Variants in DLGAP2 observed in about 807,000 individuals in gnomAD.
DLGAP2 encodes the protein DLG associated protein 2, also known as disks large-associated protein 2.
In DLGAP2, 26 loss-of-function variants were observed where a neutral mutation model predicts 100.3. The ratio of observed to expected loss-of-function variants is 0.26; its 90% CI spans 0.19 to 0.36. DLGAP2 has a LOEUF of 0.36. Among genes scored for constraint, DLGAP2 ranks in the 10% least tolerant of loss-of-function variants. The pLI is 1.00. For missense variants in DLGAP2, 1,858 were observed against 1,453.2 expected (o/e 1.28, Z -4.53); for synonymous variants, 886 against 630.1 (o/e 1.41, Z -6.08).
chr8:839,626 A>G (rs949871160), intron 1 of DLGAP2, among the ~76,000 whole-genome samples: 1 of 152,118 alleles, frequency 6.6e-6, no homozygotes, highest in Non-Finnish European at 1.5e-5. Flanking sequence ...TGTGAGATGA[A>G]TCACCACCTC....
chr8:1,454,125 T>C (rs964235810), intron 3 of DLGAP2, among the ~76,000 whole-genome samples: 10 of 152,222 alleles, frequency 6.6e-5, no homozygotes, highest in Admixed American at 6.5e-4. Context: ...GATTTGAGAA[T>C]GTTTTCTGGG....
At chr8:1,623,033 C>T (rs1036185859) in intron 6 of DLGAP2, among the ~76,000 whole-genome samples, 20 of 152,172 alleles carry the variant, frequency 1.3e-4, no homozygotes, top group African/African-American at 4.8e-4. Context: ...ACCTGGCCTT[C>T]TGGGACTCTA....
intron 2 of DLGAP2, among the ~76,000 whole-genome samples, chr8:951,677 T>C (rs1459689142): frequency 6.6e-6 from 1 of 152,256 alleles, no homozygotes; most frequent in Non-Finnish European, 1.5e-5. Context: ...CGTGGCATGC[T>C]GTGCTGGGAC....
chr8:877,401 G>C (rs535391847), intron 1 of DLGAP2, among the ~76,000 whole-genome samples: 2 of 152,300 alleles, frequency 1.3e-5, no homozygotes, highest in South Asian at 2.1e-4. Flanking sequence ...GTGGCTCCTT[G>C]TTGGGGGCAG....
chr8:1,580,309 A>T (rs1803179845), intron 6 of DLGAP2, among the ~76,000 whole-genome samples: 1 of 152,202 alleles, frequency 6.6e-6, no homozygotes. Flanking sequence ...GGGAAAGACC[A>T]CAGATGGGGT....
intron 6 of DLGAP2, among the ~76,000 whole-genome samples, chr8:1,615,844 G>T (rs28505586): frequency 0.063 from 5,560 of 88,144 alleles, no homozygotes; most frequent in East Asian, 0.15. Context: ...AAGGTCTTAT[G>T]AATGATATAA....
intron 1 of DLGAP2, among the ~76,000 whole-genome samples, chr8:779,712 A>G (rs1821636037): frequency 6.6e-6 from 1 of 152,002 alleles, no homozygotes; most frequent in Non-Finnish European, 1.5e-5. Context: ...TTAGCCATCC[A>G]AATCTTTGCC....
intron 2 of DLGAP2, among the ~76,000 whole-genome samples, chr8:1,049,966 A>T (rs1239848416): frequency 6.6e-6 from 1 of 152,220 alleles, no homozygotes; most frequent in Non-Finnish European, 1.5e-5. Context: ...GCTGTCACAC[A>T]CATGTGCCTA....
chr8:1,569,571 A>G (rs925770500), intron 6 of DLGAP2, among the ~76,000 whole-genome samples: 1 of 152,228 alleles, frequency 6.6e-6, no homozygotes. Flanking sequence ...AGTTTATCTT[A>G]TATTCCTTCA....
At chr8:1,108,093 GT>G (rs1804834998) in intron 2 of DLGAP2, among the ~76,000 whole-genome samples, 1 of 152,184 alleles carries the variant, frequency 6.6e-6, no homozygotes, top group Non-Finnish European at 1.5e-5. Flanking sequence ...ATTTCAGCTT[GT>G]TTTTCCAACC....
chr8:1,140,165 C>A (rs1023251434), intron 2 of DLGAP2, among the ~76,000 whole-genome samples: 1 of 152,136 alleles, frequency 6.6e-6, no homozygotes, highest in Middle Eastern at 3.2e-3. Context: ...TGGCCAGGCC[C>A]ATGTCGTAGC....
intron 2 of DLGAP2, among the ~76,000 whole-genome samples, chr8:947,533 G>C (rs947551558): frequency 6.6e-6 from 1 of 152,220 alleles, no homozygotes; most frequent in African/African-American, 2.4e-5. Context: ...GGTGGCTGCA[G>C]GTTGCTGATC....
intron 1 of DLGAP2, among the ~76,000 whole-genome samples, chr8:907,362 T>C (rs1371484865): frequency 6.6e-6 from 1 of 152,230 alleles, no homozygotes; most frequent in Non-Finnish European, 1.5e-5. Flanking sequence ...GGGAAAGCCA[T>C]TCTCTGTTAT....
chr8:910,853 A>G (rs1484478323), intron 2 of DLGAP2, among the ~76,000 whole-genome samples: 1 of 152,032 alleles, frequency 6.6e-6, no homozygotes, highest in Non-Finnish European at 1.5e-5. Flanking sequence ...GGGCTATAAA[A>G]AGGATCGCCA....
chr8:1,088,792 C>T (rs7834470), intron 2 of DLGAP2, among the ~76,000 whole-genome samples: 2 of 91,600 alleles, frequency 2.2e-5, no homozygotes, highest in East Asian at 3.4e-4. Flanking sequence ...ATTCTCACTC[C>T]CCCCACCCCA....
intron 7 of DLGAP2, among the ~76,000 whole-genome samples, chr8:1,627,925 A>T (rs1191547661): frequency 6.7e-6 from 1 of 150,060 alleles, no homozygotes; most frequent in Non-Finnish European, 1.5e-5. Context: ...TTTCTGACTT[A>T]CTGTGGAGCA....
At chr8:1,699,036 G>A (rs757329823) in intron 14 of DLGAP2, among the ~76,000 whole-genome samples, 2 of 152,272 alleles carry the variant, frequency 1.3e-5, no homozygotes, top group Non-Finnish European at 2.9e-5. Context: ...GTAAGCCACG[G>A]TTTGGATCTG....
chr8:1,003,372 T>C (rs1197903137), intron 2 of DLGAP2: 1 of 152,256 alleles, frequency 6.6e-6, no homozygotes, highest in Admixed American at 6.5e-5. Flanking sequence ...ATGCATCGCA[T>C]CACCCATCAG....
intron 1 of DLGAP2, among the ~76,000 whole-genome samples, chr8:852,347 T>C (rs1156548112): frequency 2.0e-5 from 3 of 152,186 alleles, no homozygotes; most frequent in Non-Finnish European, 2.9e-5. Context: ...TAGCCTCCTG[T>C]TTGAAATCTG....
Sources: gnomAD v4.1 joint callset for allele counts (sites outside exome capture counted in the v4.1 genomes callset) on GRCh38, gnomAD v4.1.1 for gene constraint, MANE v1.5 for transcripts, NCBI Gene and HGNC (gene_info 2026-07-23, HGNC 2026-07-21) for gene names.